The following MYO5B variants were observed in gnomAD, a reference collection of about 807,000 sequenced individuals.
MYO5B encodes the protein unconventional myosin-Vb.
Under a neutral mutation model 229.3 loss-of-function variants are expected in MYO5B, and 143 were observed. That is an observed-to-expected ratio of 0.62 (90% confidence interval 0.54 to 0.72). The LOEUF (loss-of-function observed/expected upper bound fraction) is 0.72, where lower values mean the gene tolerates loss of function less well. Ranked by LOEUF, MYO5B falls within the 30% of genes least tolerant of loss-of-function variation. MYO5B has a pLI of 0.00. For synonymous variants in MYO5B, 918 were observed against 885.2 expected (o/e 1.04, Z -0.66); for missense variants, 2,321 against 2,331.0 (o/e 1.00, Z 0.09).
intron 1 of MYO5B, among the ~76,000 whole-genome samples, chr18:50,129,679 G>C (rs1316572470): frequency 6.6e-6 from 1 of 152,114 alleles, no homozygotes. Context: ...TAACTTGCCC[G>C]AGGTCCCTAG....
At chr18:50,105,808 AAG>A (rs1261008752) in intron 1 of MYO5B, among the ~76,000 whole-genome samples, 3 of 152,004 alleles carry the variant, frequency 2.0e-5, no homozygotes, top group Admixed American at 2.0e-4. Flanking sequence ...AAATTAAGTA[AAG>A]ACAAAAGCAT....
chr18:49,944,535 G>A (rs1285319590), intron 14 of MYO5B, among the ~76,000 whole-genome samples: 2 of 152,222 alleles, frequency 1.3e-5, no homozygotes, highest in East Asian at 3.9e-4. Context: ...GGCTGGGTCA[G>A]GAGACCTGAA....
intron 1 of MYO5B, among the ~76,000 whole-genome samples, chr18:50,109,427 T>TC (rs1555659873): frequency 0.051 from 6,718 of 132,730 alleles, 455 homozygotes; most frequent in African/African-American, 0.17. Context: ...ATGATTTTTC[T>TC]TTTTTTTTTT....
chr18:49,844,306 G>C (rs1044211397), intron 33 of MYO5B, among the ~76,000 whole-genome samples: 1 of 152,244 alleles, frequency 6.6e-6, no homozygotes, highest in Admixed American at 6.5e-5. Flanking sequence ...GCAAAGGCAA[G>C]ATGACAGGTG....
intron 1 of MYO5B, among the ~76,000 whole-genome samples, chr18:50,061,140 A>G (rs1428816411): frequency 6.6e-6 from 1 of 152,242 alleles, no homozygotes; most frequent in Non-Finnish European, 1.5e-5. Context: ...TATATGAATT[A>G]TCAGGCTGTA....
chr18:49,838,792 T>C (rs2024020950), intron 36 of MYO5B, among the ~76,000 whole-genome samples: 1 of 152,234 alleles, frequency 6.6e-6, no homozygotes, highest in Admixed American at 6.5e-5. Flanking sequence ...TCCTGCTTTT[T>C]TCCATGAATC....
Position 50,053,279 on chromosome 18 carries a change from C to T in MYO5B, c.138+1989G>A, listed in dbSNP as rs556085205. On this transcript the variant is annotated intron_variant, in intron 2 of 39. Transcript: ENST00000285039. ...AGGCTTCCCTTCCAATTACATGCTGCCTGGCCTTGTAGCAGGGGAAGGAGG... is the reference window on the plus strand; with the variant it reads ...AGGCTTCCCTTCCAATTACATGCTGTCTGGCCTTGTAGCAGGGGAAGGAGG... Among the ~76,000 whole-genome samples the T allele has an allele frequency of 2.6e-5, 4 of 152,258 alleles. No individual in the cohort carries two copies. The South Asian group carries it at 6.2e-4, about 24-fold the overall frequency.
chr18:50,087,251 G>A (rs1410821990), intron 1 of MYO5B, among the ~76,000 whole-genome samples: 2 of 152,126 alleles, frequency 1.3e-5, no homozygotes, highest in Admixed American at 6.5e-5. Context: ...ATTCTACCCT[G>A]GATAAAACAT....
At chr18:50,125,043 G>T (rs1286558031) in intron 1 of MYO5B, among the ~76,000 whole-genome samples, 2 of 152,078 alleles carry the variant, frequency 1.3e-5, no homozygotes, top group African/African-American at 2.4e-5. Flanking sequence ...TACTTTTGGG[G>T]AGCCTGCCAC....
intron 22 of MYO5B, among the ~76,000 whole-genome samples, chr18:49,886,266 C>T (rs1053512074): frequency 6.6e-6 from 1 of 152,168 alleles, no homozygotes; most frequent in Non-Finnish European, 1.5e-5. Context: ...TCTAGAACCC[C>T]TTCAAATTTA....
At chr18:50,013,674 G>A (rs187528498) in intron 4 of MYO5B, among the ~76,000 whole-genome samples, 7 of 152,316 alleles carry the variant, frequency 4.6e-5, no homozygotes, top group Admixed American at 4.6e-4. Flanking sequence ...CAATAAAATA[G>A]TAGACTTAGG....
chr18:49,843,455 A>T (rs2024087267), intron 33 of MYO5B, 63 bp from the exon 34 acceptor site: 1 of 1,555,264 alleles, frequency 6.4e-7, no homozygotes, highest in Non-Finnish European at 8.9e-7. Flanking sequence ...AGGCTGTCAG[A>T]ATCCTCATCT....
chr18:49,851,830 C>A (rs569210576), intron 31 of MYO5B, among the ~76,000 whole-genome samples: 49 of 152,316 alleles, frequency 3.2e-4, no homozygotes, highest in African/African-American at 1.1e-3. Context: ...AGCTGGCACA[C>A]GGTAGGCAGG....
intron 22 of MYO5B, among the ~76,000 whole-genome samples, chr18:49,884,071 CAAAA>C (rs2024617870): frequency 1.2e-4 from 3 of 25,588 alleles, no homozygotes; most frequent in Non-Finnish European, 1.9e-4. Context: ...AATACAATGC[CAAAA>C]GCACAAGCCA....
At chr18:50,156,992 C>T (rs903904806) in intron 1 of MYO5B, among the ~76,000 whole-genome samples, 2 of 152,222 alleles carry the variant, frequency 1.3e-5, no homozygotes, top group African/African-American at 4.8e-5. Flanking sequence ...CCCACCCTCC[C>T]CCAGGTCATC....
intron 2 of MYO5B, among the ~76,000 whole-genome samples, chr18:50,046,095 G>C (rs1410333060): frequency 6.6e-6 from 1 of 152,094 alleles, no homozygotes; most frequent in Non-Finnish European, 1.5e-5. Flanking sequence ...AGAAGATCTA[G>C]AAAAAAAGAT....
intron 12 of MYO5B, among the ~76,000 whole-genome samples, chr18:49,956,646 C>A (rs573097328): frequency 6.8e-6 from 1 of 147,858 alleles, no homozygotes; most frequent in Non-Finnish European, 1.5e-5. Flanking sequence ...TGCAGCTGAA[C>A]TGAATCCTTT....
chr18:49,942,311 G>T (rs1259967420), intron 14 of MYO5B, among the ~76,000 whole-genome samples: 3 of 147,146 alleles, frequency 2.0e-5, no homozygotes. Context: ...CAAAAGCAAT[G>T]GCAACAAAAG....
intron 1 of MYO5B, among the ~76,000 whole-genome samples, chr18:50,163,636 A>G (rs1048740130): frequency 6.6e-6 from 1 of 152,212 alleles, no homozygotes; most frequent in Non-Finnish European, 1.5e-5. Flanking sequence ...GATAGCGTCC[A>G]TGAGCAACTT....
Sources: gnomAD v4.1 joint callset for allele counts (sites outside exome capture counted in the v4.1 genomes callset) on GRCh38, gnomAD v4.1.1 for gene constraint, MANE v1.5 for transcripts, NCBI Gene and HGNC (gene_info 2026-07-23, HGNC 2026-07-21) for gene names.